Variants in HSBP1 observed in about 807,000 individuals in gnomAD.
HSBP1 encodes heat shock factor binding protein 1, also known as heat shock factor-binding protein 1.
In HSBP1, 5 loss-of-function variants were observed where a neutral mutation model predicts 9.6. The observed-to-expected ratio is 0.52, with a 90% CI of 0.27 to 1.09. The LOEUF is 1.09. Among genes scored for constraint, HSBP1 ranks in the 50% least tolerant of loss-of-function variants. The pLI is 0.11. For missense variants in HSBP1, 121 were observed against 96.3 expected (o/e 1.26, Z -1.07); for synonymous variants, 42 against 33.3 (o/e 1.26, Z -0.90).
chr16:83,811,935 A>C lies in HSBP1; in HGVS notation c.*517A>C, dbSNP rs369629248. On this transcript the variant is annotated 3_prime_UTR_variant, in exon 4 of 4. Coordinates refer to ENST00000433866, the MANE Select transcript of HSBP1 (RefSeq NM_001537.4). ...GGCTGAAAACACCTAAAAATTGTTC[A>C]TTCAGAAATATCTGTCACTGCTCTG... is the stretch of plus-strand genomic sequence containing the variant. The C allele has an allele frequency of 1.3e-5, 2 of 152,604 alleles. No homozygotes were observed. Among genetic ancestry groups the C allele is most frequent in the East Asian group, 1.9e-4 (1 of 5,186 alleles). 9.5% of individuals were successfully genotyped at this position (152,604 alleles called of 1,614,324 possible).
chr16:83,810,149 C>T (rs1904567361), intron 3 of HSBP1, among the ~76,000 whole-genome samples: 1 of 151,408 alleles, frequency 6.6e-6, no homozygotes, highest in Non-Finnish European at 1.5e-5. Context: ...ACATTACCAC[C>T]TTCTTAAATG....
chr16:83,819,327 G>C lies in HSBP1; in HGVS notation c.*7909G>C, dbSNP rs1465528448. 2 of 152,170 alleles carry C rather than the reference G, an allele frequency of 1.3e-5. No homozygotes were observed. The highest frequency in any genetic ancestry group is 4.8e-5 in the African/African-American group (2 of 41,428). 9.4% of individuals were successfully genotyped at this position (152,170 alleles called of 1,614,324 possible). On this transcript the variant is annotated 3_prime_UTR_variant, in exon 4 of 4. Transcript: ENST00000433866. ...CCCATACACAAAAACACTGCGTAGA[G>C]AAATGGGAGTGTGGGCGATGCTCCC...
Position 83,807,995 on chromosome 16 carries a change from C to T in HSBP1, c.-82C>T. The T allele has an allele frequency of 7.8e-7, 1 of 1,277,034 alleles. No homozygotes were observed. The allele number at this position is 1,277,034 out of a possible 1,614,324, so 79.1% of individuals were successfully genotyped here. A position where few individuals can be genotyped will look rare whatever the true frequency, so the allele number is the denominator to read the frequency against. On this transcript the variant is annotated 5_prime_UTR_variant, in exon 1 of 4. Coordinates refer to ENST00000433866, the MANE Select transcript of HSBP1 (RefSeq NM_001537.4). ...GAGCTGCCAGTCTCGTCGCGAGAAG[C>T]AGCGGCCCGGGGCGACTGAGCGGAC...
At chr16:83,810,701 G>A (rs894232905) in intron 3 of HSBP1, among the ~76,000 whole-genome samples, 11 of 151,360 alleles carry the variant, frequency 7.3e-5, no homozygotes, top group Admixed American at 4.6e-4. Context: ...GGTGGTGCAC[G>A]CCTGTAATCC....
chr16:83,818,772 C>G lies in HSBP1; in HGVS notation c.*7354C>G, dbSNP rs1904775990. The G allele has an allele frequency of 6.6e-6, 1 of 152,226 alleles. No homozygotes were observed. Among genetic ancestry groups the G allele is most frequent in the East Asian group, 1.9e-4 (1 of 5,186 alleles). The allele number at this position is 152,226 out of a possible 1,614,324, so 9.4% of individuals were successfully genotyped here. A position where few individuals can be genotyped will look rare whatever the true frequency, so the allele number is the denominator to read the frequency against. ...AGTTCTGGCAGAATTCATTCTCCTG[C>G]TCTCTACTGGGACTTGTTTTCCATA... On this transcript the variant is annotated 3_prime_UTR_variant, in exon 4 of 4. Coordinates refer to ENST00000433866, the MANE Select transcript of HSBP1 (RefSeq NM_001537.4).
rs1366572986 is a variant in HSBP1, at chr16:83,818,263, C to T, written c.*6845C>T. 1 of 152,166 alleles carries T rather than the reference C, an allele frequency of 6.6e-6. No individual in the cohort carries two copies. The highest frequency in any genetic ancestry group is 2.4e-5 in the African/African-American group (1 of 41,442). 9.4% of individuals were successfully genotyped at this position (152,166 alleles called of 1,614,324 possible). On this transcript the variant is annotated 3_prime_UTR_variant, in exon 4 of 4. Coordinates refer to ENST00000433866, the MANE Select transcript of HSBP1 (RefSeq NM_001537.4). Reference sequence around the variant, plus strand: ...TTTTCCTGGGCCACTCTCATTTTCTCAAACTTGGACAAGTCTTAACAATAA... The same window carrying T: ...TTTTCCTGGGCCACTCTCATTTTCTTAAACTTGGACAAGTCTTAACAATAA...
At chr16:83,808,258 G>T in intron 1 of HSBP1, 137 bp downstream of exon 1, 1 of 763,706 alleles carries the variant, frequency 1.3e-6, no homozygotes, top group Non-Finnish European at 2.1e-6. Flanking sequence ...GTCTCTGGCC[G>T]AGGCTCCCGG....
At chr16:83,808,996 T>C in intron 2 of HSBP1, 1 of 550,726 alleles carries the variant, frequency 1.8e-6, no homozygotes, top group Non-Finnish European at 3.2e-6. Flanking sequence ...CACTGTGAAC[T>C]AAGCGCTTTT....
chr16:83,815,480 C>T lies in HSBP1; in HGVS notation c.*4062C>T, dbSNP rs1388885431. The T allele has an allele frequency of 2.0e-5, 3 of 148,622 alleles. No homozygotes were observed. Among genetic ancestry groups the T allele is most frequent in the African/African-American group, 7.5e-5 (3 of 40,034 alleles). The allele number at this position is 148,622 out of a possible 1,614,324, so 9.2% of individuals were successfully genotyped here. A position where few individuals can be genotyped will look rare whatever the true frequency, so the allele number is the denominator to read the frequency against. ...TGAGCTGTGATCGGACGACTCCACT[C>T]CAGCCGGGGTGACAGAGCAAGACCC... On this transcript the variant is annotated 3_prime_UTR_variant, in exon 4 of 4. Coordinates refer to ENST00000433866, the MANE Select transcript of HSBP1 (RefSeq NM_001537.4).
At position 83,813,871 on chromosome 16, in the gene HSBP1, A is replaced by G. The variant is rs959594733; in HGVS notation, c.*2453A>G. The G allele has an allele frequency of 1.4e-4, 20 of 145,342 alleles. No homozygotes were observed. The highest frequency in any genetic ancestry group is 3.9e-4 in the East Asian group (2 of 5,124). The allele number at this position is 145,342 out of a possible 1,614,324, so 9.0% of individuals were successfully genotyped here. A position where few individuals can be genotyped will look rare whatever the true frequency, so the allele number is the denominator to read the frequency against. ...TTTAAAATATTTCAATCTTATTTTCATATCAATTTTTTCTTTGTTTCACTA... is the reference window on the plus strand; with the variant it reads ...TTTAAAATATTTCAATCTTATTTTCGTATCAATTTTTTCTTTGTTTCACTA... On this transcript the variant is annotated 3_prime_UTR_variant, in exon 4 of 4. Coordinates refer to ENST00000433866, the MANE Select transcript of HSBP1 (RefSeq NM_001537.4).
At position 83,815,489 on chromosome 16, in the gene HSBP1, G is replaced by T. The variant is rs1904698419; in HGVS notation, c.*4071G>T. ...ATCGGACGACTCCACTCCAGCCGGGGTGACAGAGCAAGACCCTGTCTCAAA... is the reference window on the plus strand; with the variant it reads ...ATCGGACGACTCCACTCCAGCCGGGTTGACAGAGCAAGACCCTGTCTCAAA... On this transcript the variant is annotated 3_prime_UTR_variant, in exon 4 of 4. Coordinates refer to ENST00000433866, the MANE Select transcript of HSBP1 (RefSeq NM_001537.4). 1 of 145,500 alleles carries T rather than the reference G, an allele frequency of 6.9e-6. No homozygotes were observed. Among genetic ancestry groups the T allele is most frequent in the Admixed American group, 6.9e-5 (1 of 14,468 alleles). The allele number at this position is 145,500 out of a possible 1,614,324, so 9.0% of individuals were successfully genotyped here.
At position 83,809,441 on chromosome 16, in the gene HSBP1, A is replaced by ATTTTT. The variant is rs200049557; in HGVS notation, c.*2+22_*2+26dup. 5 of 1,058,650 alleles carry ATTTTT rather than the reference A, an allele frequency of 4.7e-6. No homozygotes were observed. The highest frequency in any genetic ancestry group is 6.6e-6 in the Non-Finnish European group (5 of 755,526). 65.6% of individuals were successfully genotyped at this position (1,058,650 alleles called of 1,614,324 possible). On this transcript the variant is annotated intron_variant, in intron 3 of 3. Transcript: ENST00000433866. ...AGAGTTGAAGGTGAGGAAGGGGGCA[A>ATTTTT]TTTTTTTTTTCTTTTCTTTTCTTTT...
chr16:83,811,171 C>T (rs896193582), intron 3 of HSBP1, among the ~76,000 whole-genome samples: 2 of 152,124 alleles, frequency 1.3e-5, no homozygotes, highest in African/African-American at 4.8e-5. Flanking sequence ...ATTATCTTAC[C>T]ACAAGAATTT....
At chr16:83,809,552 T>A (rs1383036454) in intron 3 of HSBP1, 127 bp downstream of exon 3, 2 of 561,822 alleles carry the variant, frequency 3.6e-6, no homozygotes, top group East Asian at 6.3e-5. Flanking sequence ...CCCTGCAACC[T>A]TTGCCCTCCT....
In HSBP1 at chr16:83,808,005, G is replaced by A; in HGVS notation, c.-72G>A. On this transcript the variant is annotated 5_prime_UTR_variant, in exon 1 of 4. Coordinates refer to ENST00000433866, the MANE Select transcript of HSBP1 (RefSeq NM_001537.4). ...TCTCGTCGCGAGAAGCAGCGGCCCG[G>A]GGCGACTGAGCGGACAAACGGAAGT... is the stretch of plus-strand genomic sequence containing the variant. The A allele has an allele frequency of 2.2e-6, 3 of 1,364,370 alleles. No individual in the cohort carries two copies. Among genetic ancestry groups the A allele is most frequent in the Non-Finnish European group, 3.0e-6 (3 of 1,007,174 alleles). The allele number at this position is 1,364,370 out of a possible 1,614,324, so 84.5% of individuals were successfully genotyped here. A position where few individuals can be genotyped will look rare whatever the true frequency, so the allele number is the denominator to read the frequency against.
In HSBP1 at chr16:83,815,773, A is replaced by G. The variant is rs1904706379; in HGVS notation, c.*4355A>G. On this transcript the variant is annotated 3_prime_UTR_variant, in exon 4 of 4. Transcript: ENST00000433866. ...TATCGTGTAGATGCTGCCCTGCCTC[A>G]TAAGAACACTCTTGACTGTCCTGCT... is the stretch of plus-strand genomic sequence containing the variant. 6.6e-6 allele frequency: 1 copy of G among 151,644 alleles called. No individual in the cohort carries two copies. Among genetic ancestry groups the G allele is most frequent in the Admixed American group, 6.6e-5 (1 of 15,246 alleles). 9.4% of individuals were successfully genotyped at this position (151,644 alleles called of 1,614,324 possible).
In HSBP1 at chr16:83,815,858, T is replaced by C. The variant is rs140901309; in HGVS notation, c.*4440T>C. The C allele has an allele frequency of 1.2e-3, 180 of 152,228 alleles. No homozygotes were observed. Among genetic ancestry groups the C allele is most frequent in the African/African-American group, 3.9e-3 (163 of 41,542 alleles). The allele number at this position is 152,228 out of a possible 1,614,324, so 9.4% of individuals were successfully genotyped here. A position where few individuals can be genotyped will look rare whatever the true frequency, so the allele number is the denominator to read the frequency against. ...ATGGTCAAATTCTGTGTCTCTACCG[T>C]AGAAAACAGAATTTGACCATTTAGT... is the stretch of plus-strand genomic sequence containing the variant. On this transcript the variant is annotated 3_prime_UTR_variant, in exon 4 of 4. Transcript: ENST00000433866.
At position 83,819,281 on chromosome 16, in the gene HSBP1, T is replaced by G; in HGVS notation, c.*7863T>G. 1 of 152,212 alleles carries G rather than the reference T, an allele frequency of 6.6e-6. No homozygotes were observed. Among genetic ancestry groups the G allele is most frequent in the Non-Finnish European group, 1.5e-5 (1 of 68,032 alleles). 9.4% of individuals were successfully genotyped at this position (152,212 alleles called of 1,614,324 possible). ...CATATTTTTAATAAATTCCCTCATT[T>G]ATTATTTTTGTGTCTTATTTCCCAT... On this transcript the variant is annotated 3_prime_UTR_variant, in exon 4 of 4. Coordinates refer to ENST00000433866, the MANE Select transcript of HSBP1 (RefSeq NM_001537.4).
At chr16:83,808,953 T>C (rs557985688) in intron 2 of HSBP1, among the ~76,000 whole-genome samples, 1 of 152,362 alleles carries the variant, frequency 6.6e-6, no homozygotes, top group Admixed American at 6.5e-5. Context: ...AGCATACGTC[T>C]ACCAATCCTA....
Sources: allele counts gnomAD v4.1 joint callset (sites outside exome capture counted in the v4.1 genomes callset), GRCh38; gene constraint gnomAD v4.1.1; transcripts MANE v1.5; gene names NCBI Gene and HGNC (gene_info 2026-07-23, HGNC 2026-07-21).